Variants in ST6GALNAC3 observed in about 807,000 individuals in gnomAD.
ST6GALNAC3 encodes alpha-N-acetylgalactosaminide alpha-2,6-sialyltransferase 3.
ST6GALNAC3 carries 25 observed loss-of-function variants against 32.7 expected under a neutral mutation model. The observed-to-expected ratio is 0.76, with a 90% CI of 0.56 to 1.07. The LOEUF is 1.07. Ranked by LOEUF, ST6GALNAC3 falls within the 50% of genes least tolerant of loss-of-function variation. ST6GALNAC3 has a pLI of 0.00. For missense variants in ST6GALNAC3, 355 were observed against 382.4 expected, an observed-to-expected ratio of 0.93 and a Z score of 0.60; for synonymous variants, 129 against 133.1, an observed-to-expected ratio of 0.97 and a Z score of 0.21.
chr1:76,462,457 A>T (rs1327570707), intron 3 of ST6GALNAC3, among the ~76,000 whole-genome samples: 1 of 152,110 alleles, frequency 6.6e-6, no homozygotes, highest in African/African-American at 2.4e-5. Context: ...AGCCACATAC[A>T]GCCTTTTAAA....
chr1:76,594,153 C>T (rs1557608590), intron 3 of ST6GALNAC3, among the ~76,000 whole-genome samples: 3 of 151,798 alleles, frequency 2.0e-5, no homozygotes, highest in Admixed American at 6.6e-5. Flanking sequence ...AGTCATGGCT[C>T]GTGGAAATAA....
intron 3 of ST6GALNAC3, among the ~76,000 whole-genome samples, chr1:76,426,609 T>A (rs1245285182): frequency 1.3e-5 from 2 of 151,402 alleles, no homozygotes; most frequent in East Asian, 3.9e-4. Flanking sequence ...AGAGAGAGAA[T>A]GCCCTCTAAA....
At chr1:76,168,981 T>A (rs1652302680) in intron 1 of ST6GALNAC3, among the ~76,000 whole-genome samples, 1 of 152,172 alleles carries the variant, frequency 6.6e-6, no homozygotes, top group Non-Finnish European at 1.5e-5. Flanking sequence ...ATGTGAGGAT[T>A]TGACACTGTC....
chr1:76,629,189 A>G lies in ST6GALNAC3; in HGVS notation c.*383A>G, dbSNP rs1466764114. 24 of 1,017,310 alleles carry G rather than the reference A, an allele frequency of 2.4e-5. No homozygotes were observed. The highest frequency in any genetic ancestry group is 2.8e-5 in the Non-Finnish European group (24 of 852,070). The allele number at this position is 1,017,310 out of a possible 1,614,324, so 63.0% of individuals were successfully genotyped here. A position where few individuals can be genotyped will look rare whatever the true frequency, so the allele number is the denominator to read the frequency against. ...CAAAAGAGTTTGGCTTCATGAGGCA[A>G]GGTGATTGACTCAATGGCTTGTTGA... is the stretch of plus-strand genomic sequence containing the variant. On this transcript the variant is annotated 3_prime_UTR_variant, in exon 5 of 5. Coordinates refer to ENST00000328299, the MANE Select transcript of ST6GALNAC3 (RefSeq NM_152996.4).
intron 3 of ST6GALNAC3, among the ~76,000 whole-genome samples, chr1:76,453,016 A>G (rs115878350): frequency 6.6e-6 from 1 of 152,236 alleles, no homozygotes; most frequent in African/African-American, 2.4e-5. Context: ...GAAGGCTTGT[A>G]TCTTTCCAGG....
At chr1:76,472,538 C>A (rs1333983742) in intron 3 of ST6GALNAC3, among the ~76,000 whole-genome samples, 1 of 152,058 alleles carries the variant, frequency 6.6e-6, no homozygotes, top group Non-Finnish European at 1.5e-5. Flanking sequence ...AAAGGGACCA[C>A]CCAAGCTAAA....
At chr1:76,108,584 A>C (rs1478176152) in intron 1 of ST6GALNAC3, among the ~76,000 whole-genome samples, 1 of 152,240 alleles carries the variant, frequency 6.6e-6, no homozygotes, top group East Asian at 1.9e-4. Context: ...GAGATGGTTA[A>C]AGAAACAAGG....
chr1:76,421,732 T>A (rs1424005116), intron 3 of ST6GALNAC3, among the ~76,000 whole-genome samples: 10 of 152,060 alleles, frequency 6.6e-5, no homozygotes, highest in East Asian at 3.9e-4. Flanking sequence ...AAAGAAAAAA[T>A]TGGTAGTTGT....
chr1:76,101,667 C>T (rs533921212), intron 1 of ST6GALNAC3, among the ~76,000 whole-genome samples: 3 of 152,270 alleles, frequency 2.0e-5, no homozygotes, highest in Admixed American at 1.3e-4. Context: ...AGTAGATTCT[C>T]AAATTTTGTC....
chr1:76,362,507 C>T (rs183510342), intron 2 of ST6GALNAC3, among the ~76,000 whole-genome samples: 5 of 152,244 alleles, frequency 3.3e-5, no homozygotes, highest in East Asian at 1.9e-4. Flanking sequence ...CTCAACAGTC[C>T]GAAGTCCAAA....
chr1:76,445,187 C>G (rs1318651399), intron 3 of ST6GALNAC3, among the ~76,000 whole-genome samples: 2 of 152,146 alleles, frequency 1.3e-5, no homozygotes, highest in African/African-American at 4.8e-5. Context: ...AAGAAGACTT[C>G]CCTGATTCCC....
intron 1 of ST6GALNAC3, among the ~76,000 whole-genome samples, chr1:76,197,475 T>C (rs940946746): frequency 6.8e-6 from 1 of 146,584 alleles, no homozygotes; most frequent in African/African-American, 2.5e-5. Flanking sequence ...AGGGGGGATC[T>C]AATCCATGGG....
At chr1:76,270,405 G>A (rs756080206) in intron 1 of ST6GALNAC3, among the ~76,000 whole-genome samples, 2 of 151,024 alleles carry the variant, frequency 1.3e-5, no homozygotes, top group African/African-American at 2.4e-5. Context: ...TACTCAGGAC[G>A]CTGAGGCAGG....
chr1:76,540,153 A>G (rs1176336748), intron 3 of ST6GALNAC3, among the ~76,000 whole-genome samples: 1 of 152,194 alleles, frequency 6.6e-6, no homozygotes, highest in Non-Finnish European at 1.5e-5. Flanking sequence ...TGGTACATAT[A>G]CACTATGGAA....
At chr1:76,161,847 T>C (rs2100380191) in intron 1 of ST6GALNAC3, among the ~76,000 whole-genome samples, 1 of 152,354 alleles carries the variant, frequency 6.6e-6, no homozygotes, top group East Asian at 1.9e-4. Context: ...GTATTTCTAC[T>C]GGGCTTTCTT....
intron 1 of ST6GALNAC3, among the ~76,000 whole-genome samples, chr1:76,306,179 G>A (rs1242804262): frequency 3.9e-5 from 6 of 151,916 alleles, no homozygotes; most frequent in African/African-American, 7.2e-5. Context: ...CTTTATTCCC[G>A]GTATTAAAAA....
intron 1 of ST6GALNAC3, among the ~76,000 whole-genome samples, chr1:76,136,947 A>T (rs1649984355): frequency 6.6e-6 from 1 of 152,208 alleles, no homozygotes; most frequent in Non-Finnish European, 1.5e-5. Flanking sequence ...CTTGAAAAAC[A>T]TCTCATTTAG....
intron 3 of ST6GALNAC3, among the ~76,000 whole-genome samples, chr1:76,438,649 C>T (rs1278017349): frequency 6.6e-6 from 1 of 152,088 alleles, no homozygotes; most frequent in East Asian, 1.9e-4. Flanking sequence ...CTCTTCTTGC[C>T]TTTATGCTCC....
chr1:76,529,135 G>A (rs1663096157), intron 3 of ST6GALNAC3, among the ~76,000 whole-genome samples: 1 of 152,014 alleles, frequency 6.6e-6, no homozygotes, highest in African/African-American at 2.4e-5. Flanking sequence ...AATAATAATT[G>A]TTATATGAAT....
Sources: gnomAD v4.1 joint callset for allele counts (sites outside exome capture counted in the v4.1 genomes callset) on GRCh38, gnomAD v4.1.1 for gene constraint, MANE v1.5 for transcripts, NCBI Gene and HGNC (gene_info 2026-07-23, HGNC 2026-07-21) for gene names.